The following AFG2A variants were observed in gnomAD, a reference collection of about 807,000 sequenced individuals.
The protein encoded by AFG2A is AAA ATPase AFG2A, also known as ATPase family gene 2 protein homolog A.
chr4:122,932,871 G>C, the AFG2A span, among the ~76,000 whole-genome samples: 1 of 152,116 alleles, frequency 6.6e-6, no homozygotes, highest in African/African-American at 2.4e-5. Context: ...GAAATAATTT[G>C]TAAGTTATAC....
At chr4:123,191,689 A>G in the AFG2A span, among the ~76,000 whole-genome samples, 3 of 151,808 alleles carry the variant, frequency 2.0e-5, no homozygotes, top group African/African-American at 7.3e-5. Context: ...CCCATCACCT[A>G]TTGTATTTAG....
chr4:123,304,203 C>T, the AFG2A span, among the ~76,000 whole-genome samples: 189 of 152,294 alleles, frequency 1.2e-3, 1 homozygote, highest in South Asian at 9.1e-3. Flanking sequence ...CCATCTGCTG[C>T]TCTGCAGCCA....
the AFG2A span, among the ~76,000 whole-genome samples, chr4:123,265,324 T>A: frequency 4.6e-5 from 7 of 152,150 alleles, no homozygotes; most frequent in African/African-American, 1.7e-4. Flanking sequence ...TTCCTTAAAC[T>A]CTTTGTTGGG....
chr4:123,225,071 T>C, the AFG2A span, among the ~76,000 whole-genome samples: 1 of 152,212 alleles, frequency 6.6e-6, no homozygotes, highest in African/African-American at 2.4e-5. Flanking sequence ...TGTTTTTTTC[T>C]TGTAAATTTG....
chr4:123,275,885 T>C, the AFG2A span, among the ~76,000 whole-genome samples: 1 of 152,200 alleles, frequency 6.6e-6, no homozygotes, highest in East Asian at 1.9e-4. Flanking sequence ...CTTTACCCAA[T>C]CTACTATTAA....
At chr4:123,230,709 C>T in the AFG2A span, among the ~76,000 whole-genome samples, 3 of 152,050 alleles carry the variant, frequency 2.0e-5, no homozygotes, top group South Asian at 6.2e-4. Context: ...AGAGGAATCA[C>T]TATCTATGAC....
At chr4:123,224,182 T>G in the AFG2A span, among the ~76,000 whole-genome samples, 537 of 152,250 alleles carry the variant, frequency 3.5e-3, 3 homozygotes, top group African/African-American at 0.012. Flanking sequence ...TTTGTTTTGT[T>G]GAGTCATCTC....
chr4:123,202,938 C>T, the AFG2A span, among the ~76,000 whole-genome samples: 1 of 151,998 alleles, frequency 6.6e-6, no homozygotes, highest in South Asian at 2.1e-4. Context: ...TGGGAGGAAC[C>T]CTTGAGCCTA....
At chr4:123,005,324 T>C in the AFG2A span, among the ~76,000 whole-genome samples, 1 of 152,064 alleles carries the variant, frequency 6.6e-6, no homozygotes, top group Non-Finnish European at 1.5e-5. Flanking sequence ...CTAATTTTTG[T>C]ATTTTTAGTA....
chr4:123,188,229 C>T, the AFG2A span, among the ~76,000 whole-genome samples: 3 of 152,048 alleles, frequency 2.0e-5, no homozygotes, highest in African/African-American at 7.2e-5. Flanking sequence ...TGCATTCCTA[C>T]AAAGTTTGTT....
chr4:123,070,905 G>T, the AFG2A span, among the ~76,000 whole-genome samples: 1 of 152,214 alleles, frequency 6.6e-6, no homozygotes, highest in South Asian at 2.1e-4. Context: ...TCTTTGGGTT[G>T]TTGTTTCTTA....
At chr4:122,981,864 T>C in the AFG2A span, among the ~76,000 whole-genome samples, 1 of 152,100 alleles carries the variant, frequency 6.6e-6, no homozygotes, top group African/African-American at 2.4e-5. Flanking sequence ...ATCCTGCCAA[T>C]TTACTGAATT....
chr4:123,172,628 G>A, the AFG2A span, among the ~76,000 whole-genome samples: 1 of 152,124 alleles, frequency 6.6e-6, no homozygotes, highest in Non-Finnish European at 1.5e-5. Context: ...ATTTTATGGG[G>A]CCTTTAGGAA....
chr4:123,253,513 G>A, the AFG2A span, among the ~76,000 whole-genome samples: 1 of 151,948 alleles, frequency 6.6e-6, no homozygotes, highest in East Asian at 1.9e-4. Flanking sequence ...AGCTGGGCAT[G>A]GTGGTGCATA....
the AFG2A span, among the ~76,000 whole-genome samples, chr4:123,039,972 GA>G: frequency 6.6e-6 from 1 of 152,052 alleles, no homozygotes; most frequent in African/African-American, 2.4e-5. Flanking sequence ...TCCATTTTAT[GA>G]GGACACAACA....
At chr4:122,926,530 G>A in the AFG2A span, among the ~76,000 whole-genome samples, 1 of 152,194 alleles carries the variant, frequency 6.6e-6, no homozygotes, top group Non-Finnish European at 1.5e-5. Context: ...AGAAGGAAAA[G>A]AAATGTGTTG....
chr4:122,946,778 A>G, the AFG2A span, among the ~76,000 whole-genome samples: 1 of 152,298 alleles, frequency 6.6e-6, no homozygotes, highest in Admixed American at 6.5e-5. Flanking sequence ...ATAAGCGAAG[A>G]CTTTTTAGAT....
chr4:123,282,265 C>T, the AFG2A span, among the ~76,000 whole-genome samples: 9 of 152,160 alleles, frequency 5.9e-5, no homozygotes, highest in Non-Finnish European at 8.8e-5. Flanking sequence ...CTCACTGAGC[C>T]TTTCCTCATC....
chr4:123,217,959 C>T, the AFG2A span, among the ~76,000 whole-genome samples: 1 of 152,198 alleles, frequency 6.6e-6, no homozygotes, highest in East Asian at 1.9e-4. Flanking sequence ...TGATATCAGA[C>T]TCCCTCTTCC....
Sources: allele counts gnomAD v4.1 joint callset (sites outside exome capture counted in the v4.1 genomes callset), GRCh38; gene constraint gnomAD v4.1.1; transcripts MANE v1.5; gene names NCBI Gene and HGNC (gene_info 2026-07-23, HGNC 2026-07-21).